Variants in SLC25A33 observed in about 807,000 individuals in gnomAD.
SLC25A33 encodes the protein bone marrow stromal cell mitochondrial carrier protein.
SLC25A33 carries 15 observed loss-of-function variants against 35.5 expected under a neutral mutation model. The observed-to-expected ratio is 0.42, with a 90% CI of 0.28 to 0.65. The LOEUF is 0.65. SLC25A33 is among the 30% of genes least tolerant of loss of function. SLC25A33 has a pLI of 0.20. For synonymous variants in SLC25A33, 136 were observed against 148.7 expected (o/e 0.91, Z 0.62); for missense variants, 257 against 398.5 (o/e 0.64, Z 3.02).
chr1:9,563,020 G>A (rs545788216), intron 2 of SLC25A33, among the ~76,000 whole-genome samples: 2 of 148,904 alleles, frequency 1.3e-5, no homozygotes, highest in African/African-American at 2.5e-5. Flanking sequence ...CTGGGTTCAC[G>A]CCATTCTCCT....
At chr1:9,550,817 G>A (rs1043831058) in intron 1 of SLC25A33, among the ~76,000 whole-genome samples, 1 of 151,704 alleles carries the variant, frequency 6.6e-6, no homozygotes, top group Non-Finnish European at 1.5e-5. Context: ...GACTACAGGC[G>A]CACATCACCA....
rs1643764045 is a variant in SLC25A33, at chr1:9,582,818, C to T, written c.*317C>T. The T allele has an allele frequency of 3.8e-6, 1 of 265,596 alleles. No homozygotes were observed. Among genetic ancestry groups the T allele is most frequent in the South Asian group, 5.9e-5 (1 of 17,058 alleles). The allele number at this position is 265,596 out of a possible 1,614,324, so 16.5% of individuals were successfully genotyped here. A position where few individuals can be genotyped will look rare whatever the true frequency, so the allele number is the denominator to read the frequency against. On this transcript the variant is annotated 3_prime_UTR_variant, in exon 7 of 7. Transcript: ENST00000302692. The surrounding 1 kb of genome is among the most constrained non-coding windows in gnomAD (Gnocchi z 4.0). ...TTTATGCTCACTATACTATGAAGGA[C>T]TTAAGTAATTCAGATAAACCTGCCC...
At chr1:9,552,442 G>T (rs1469145098) in intron 1 of SLC25A33, among the ~76,000 whole-genome samples, 1 of 151,922 alleles carries the variant, frequency 6.6e-6, no homozygotes, top group African/African-American at 2.4e-5. Context: ...CTGTTGGCCA[G>T]GCTGGTCTCG....
intron 4 of SLC25A33, 91 bp from the exon 5 acceptor site, chr1:9,573,255 C>A: frequency 1.2e-6 from 1 of 869,446 alleles, no homozygotes; most frequent in Non-Finnish European, 1.7e-6. Flanking sequence ...CATTGAAATC[C>A]CTATTTCAAA....
At chr1:9,556,389 T>C (rs1337571124) in intron 2 of SLC25A33, 1 of 241,486 alleles carries the variant, frequency 4.1e-6, no homozygotes. Context: ...ACCTGGAAGG[T>C]AAATGGGAAT....
chr1:9,545,172 G>C (rs1270356860), intron 1 of SLC25A33, among the ~76,000 whole-genome samples: 5 of 151,938 alleles, frequency 3.3e-5, no homozygotes, highest in Admixed American at 2.0e-4. Context: ...AGAAGGTAGA[G>C]GAATGGGGAG....
At chr1:9,555,831 T>C (rs993854910) in intron 2 of SLC25A33, among the ~76,000 whole-genome samples, 1 of 152,162 alleles carries the variant, frequency 6.6e-6, no homozygotes, top group African/African-American at 2.4e-5. Flanking sequence ...ATCACAGGCA[T>C]GCACCACGAT....
At chr1:9,542,339 C>G (rs1233282088) in intron 1 of SLC25A33, among the ~76,000 whole-genome samples, 1 of 152,118 alleles carries the variant, frequency 6.6e-6, no homozygotes, top group East Asian at 1.9e-4. Context: ...GTAGGTAGTT[C>G]ATTAGGGTGG....
At position 9,548,770 on chromosome 1, in the gene SLC25A33, C is replaced by T. The variant is rs114425071; in HGVS notation, c.57-4856C>T. Among the ~76,000 whole-genome samples, 857 of 152,280 alleles carry T rather than the reference C, an allele frequency of 5.6e-3. 8 individuals are homozygous for T. The highest frequency in any genetic ancestry group is 9.4e-3 in the Non-Finnish European group (642 of 68,020). ...CCATTTTCCAACTATGTGAGGCTAA[C>T]GCTGTGTCAGCATGTAACTGGCGGT... On this transcript the variant is annotated intron_variant, in intron 1 of 6. Coordinates refer to ENST00000302692, the MANE Select transcript of SLC25A33 (RefSeq NM_032315.3).
chr1:9,570,382 A>T (rs761068958), intron 4 of SLC25A33, 24 bp downstream of exon 4: 1 of 1,577,494 alleles, frequency 6.3e-7, no homozygotes, highest in East Asian at 2.2e-5. Context: ...GTGAGTGAAG[A>T]GAGGGTCTCT....
rs1253866821 is a variant in SLC25A33, at chr1:9,580,215, C to T, written c.744C>T (p.Ser248=). ...CTGCTCTTTCTAAGGGCTGTGCCTC[C>T]TGCATTGCTTATCCACACGGTATGT... The part of the protein sequence containing the change: ...AAAALSKGCA[S]CIAYPHEVIR... The change falls in exon 6 of 7, where the codon TCC becomes TCT. Residue 248 remains serine (S), a synonymous_variant. Transcript: ENST00000302692. 2 of 1,610,696 alleles carry T rather than the reference C, an allele frequency of 1.2e-6. No homozygotes were observed. The highest frequency in any genetic ancestry group is 1.1e-5 in the South Asian group (1 of 90,538).
At position 9,543,304 on chromosome 1, in the gene SLC25A33, C is replaced by A. The variant is rs188735967; in HGVS notation, c.56+3557C>A. On this transcript the variant is annotated intron_variant, in intron 1 of 6. Transcript: ENST00000302692. ...GATTAAAGGCTCACGCCACCACGCCCGGCTAATTTTTGTATTTTTAGTGGA... is the reference window on the plus strand; with the variant it reads ...GATTAAAGGCTCACGCCACCACGCCAGGCTAATTTTTGTATTTTTAGTGGA... Among the ~76,000 whole-genome samples, 8 of 152,112 alleles carry A rather than the reference C, an allele frequency of 5.3e-5. No individual in the cohort carries two copies. The East Asian group carries it at 1.5e-3, about 29-fold the overall frequency.
At chr1:9,581,443 T>C (rs1643743263) in intron 6 of SLC25A33, among the ~76,000 whole-genome samples, 1 of 152,206 alleles carries the variant, frequency 6.6e-6, no homozygotes, top group Non-Finnish European at 1.5e-5. Flanking sequence ...AACTAAGCTT[T>C]TTTTAACCCC....
In SLC25A33 at chr1:9,558,955, T is replaced by C. The variant is rs187660769; in HGVS notation, c.236+5150T>C. Among the ~76,000 whole-genome samples the C allele has an allele frequency of 2.4e-3, 366 of 152,274 alleles. 3 individuals carry two copies. Among genetic ancestry groups the C allele is most frequent in the African/African-American group, 8.3e-3 (346 of 41,548 alleles). On this transcript the variant is annotated intron_variant, in intron 2 of 6. Transcript: ENST00000302692. ...ACTAGGTTCTACACGATTCTCACCC[T>C]TCCCATTACTTCTGACTTTTCATCT...
intron 2 of SLC25A33, among the ~76,000 whole-genome samples, chr1:9,559,230 T>TGTAA (rs1453928716): frequency 6.6e-6 from 1 of 152,198 alleles, no homozygotes; most frequent in African/African-American, 2.4e-5. Flanking sequence ...AGTTTACTTA[T>TGTAA]TTCTATTCTT....
intron 6 of SLC25A33, 36 bp downstream of exon 6, chr1:9,580,270 C>T: frequency 1.3e-6 from 2 of 1,598,314 alleles, no homozygotes; most frequent in African/African-American, 1.3e-5. Context: ...AGCAGTAAAA[C>T]AGCTGTCACG....
chr1:9,565,027 G>A (rs1488788344), intron 2 of SLC25A33, among the ~76,000 whole-genome samples: 2 of 151,980 alleles, frequency 1.3e-5, no homozygotes, highest in Admixed American at 6.6e-5. Flanking sequence ...AAGATGTGAC[G>A]CCACTGATAA....
At position 9,558,953 on chromosome 1, in the gene SLC25A33, C is replaced by T. The variant is rs75890137; in HGVS notation, c.236+5148C>T. Among the ~76,000 whole-genome samples, 788 of 152,250 alleles carry T rather than the reference C, an allele frequency of 5.2e-3. 21 individuals carry two copies. Among genetic ancestry groups the T allele is most frequent in the Admixed American group, 0.033 (510 of 15,278 alleles). ...CTACTAGGTTCTACACGATTCTCAC[C>T]CTTCCCATTACTTCTGACTTTTCAT... On this transcript the variant is annotated intron_variant, in intron 2 of 6. Coordinates refer to ENST00000302692, the MANE Select transcript of SLC25A33 (RefSeq NM_032315.3).
In SLC25A33 at chr1:9,578,323, A is replaced by C. The variant is rs1643692388; in HGVS notation, c.483-1631A>C. 6.6e-6 allele frequency among the ~76,000 whole-genome samples: 1 copy of C among 152,164 alleles called. No homozygotes were observed. The highest frequency in any genetic ancestry group is 2.4e-5 in the African/African-American group (1 of 41,426). On this transcript the variant is annotated intron_variant, in intron 5 of 6. Coordinates refer to ENST00000302692, the MANE Select transcript of SLC25A33 (RefSeq NM_032315.3). This position sits in a 1 kb window ranked among gnomAD's most constrained non-coding sequence, Gnocchi z 4.3. ...TATGCGGAGATAATAAAGAAGGGAGAGAGGCCAGCTGAGACTGAAGCCCAA... is the reference window on the plus strand; with the variant it reads ...TATGCGGAGATAATAAAGAAGGGAGCGAGGCCAGCTGAGACTGAAGCCCAA...
Sources: gnomAD v4.1 joint callset for allele counts (sites outside exome capture counted in the v4.1 genomes callset) on GRCh38, gnomAD v4.1.1 for gene constraint, Gnocchi (gnomAD v3.1) non-coding constraint, MANE v1.5 for transcripts, NCBI Gene and HGNC (gene_info 2026-07-23, HGNC 2026-07-21) for gene names.